CPED1: variants seen among roughly 807,000 people sequenced by gnomAD.
CPED1 encodes the protein cadherin like and PC-esterase domain containing 1.
In CPED1, 114 loss-of-function variants were observed where a neutral mutation model predicts 128.2. The observed-to-expected ratio is 0.89, with a 90% CI of 0.76 to 1.04. The LOEUF is 1.04. Among genes scored for constraint, CPED1 ranks in the 50% least tolerant of loss-of-function variants. The pLI is 0.00. For missense variants in CPED1, 1,211 were observed against 1,207.1 expected (o/e 1.00, Z -0.05); for synonymous variants, 462 against 426.7 (o/e 1.08, Z -1.02).
At chr7:121,197,952 T>G (rs1288520856) in intron 16 of CPED1, among the ~76,000 whole-genome samples, 5 of 152,178 alleles carry the variant, frequency 3.3e-5, no homozygotes, top group Non-Finnish European at 5.9e-5. Flanking sequence ...GTGTGGCTTT[T>G]GTTTAATGCC....
intron 8 of CPED1, among the ~76,000 whole-genome samples, chr7:121,124,708 G>A (rs1364908699): frequency 6.6e-6 from 1 of 152,182 alleles, no homozygotes; most frequent in African/African-American, 2.4e-5. Flanking sequence ...GAAGTAAAGT[G>A]CGCATTTTCA....
intron 15 of CPED1, among the ~76,000 whole-genome samples, chr7:121,141,542 C>T (rs961250493): frequency 3.3e-5 from 5 of 151,968 alleles, no homozygotes; most frequent in African/African-American, 9.7e-5. Flanking sequence ...TTGGAACCCT[C>T]GGGAGCCACG....
intron 5 of CPED1, among the ~76,000 whole-genome samples, chr7:121,068,520 T>G (rs1793911045): frequency 6.6e-6 from 1 of 152,034 alleles, no homozygotes; most frequent in South Asian, 2.1e-4. Context: ...TACTGTAGCC[T>G]TGTAGTATAG....
At chr7:121,031,036 C>G (rs1792716144) in intron 3 of CPED1, among the ~76,000 whole-genome samples, 2 of 152,178 alleles carry the variant, frequency 1.3e-5, no homozygotes, top group Admixed American at 6.5e-5. Context: ...GTCAGTTTAT[C>G]ATCAAACCTG....
intron 11 of CPED1, among the ~76,000 whole-genome samples, chr7:121,129,127 A>G (rs1795583148): frequency 6.6e-6 from 1 of 151,416 alleles, no homozygotes; most frequent in South Asian, 2.1e-4. Context: ...TCTGATACTT[A>G]TATAGACTGA....
intron 17 of CPED1, among the ~76,000 whole-genome samples, chr7:121,241,350 A>C (rs1798389383): frequency 2.5e-5 from 1 of 39,324 alleles, no homozygotes; most frequent in Admixed American, 1.8e-4. Flanking sequence ...TCCGTCTCAA[A>C]AAAAAAAAAA....
At chr7:121,015,511 T>C (rs1792278114) in intron 2 of CPED1, among the ~76,000 whole-genome samples, 154 bp from the exon 3 acceptor site, 1 of 152,266 alleles carries the variant, frequency 6.6e-6, no homozygotes, top group South Asian at 2.1e-4. Flanking sequence ...TGAGGTCATC[T>C]TTGTCCTTGT....
At chr7:121,027,690 C>T (rs902953492) in intron 3 of CPED1, among the ~76,000 whole-genome samples, 2 of 151,392 alleles carry the variant, frequency 1.3e-5, no homozygotes, top group African/African-American at 4.9e-5. Flanking sequence ...AAACCAGTGA[C>T]ATCTCTGTTG....
At chr7:121,052,337 C>T (rs554965390) in intron 4 of CPED1, among the ~76,000 whole-genome samples, 33 of 152,312 alleles carry the variant, frequency 2.2e-4, no homozygotes, top group Middle Eastern at 3.4e-3. Context: ...CCAAAACATA[C>T]GGTTGGCACC....
chr7:121,131,088 T>G (rs1795654096), intron 12 of CPED1, among the ~76,000 whole-genome samples: 1 of 152,134 alleles, frequency 6.6e-6, no homozygotes, highest in Non-Finnish European at 1.5e-5. Context: ...CCTGCCATAA[T>G]CATTTAAGTC....
chr7:121,077,783 T>C (rs1794170368), intron 5 of CPED1, among the ~76,000 whole-genome samples: 1 of 151,826 alleles, frequency 6.6e-6, no homozygotes, highest in Non-Finnish European at 1.5e-5. Flanking sequence ...AACATACTAA[T>C]TTTTTTAAAT....
At chr7:121,272,039 T>C (rs1792242526) in intron 22 of CPED1, among the ~76,000 whole-genome samples, 1 of 152,146 alleles carries the variant, frequency 6.6e-6, no homozygotes, top group African/African-American at 2.4e-5. Context: ...AAAATCTTGG[T>C]CAGGACCCAT....
Position 121,209,958 on chromosome 7 carries a change from G to T in CPED1, c.2056-26756G>T, listed in dbSNP as rs1049771806. ...ATTTAAAAATGGGCAAACAACAATA[G>T]AAAAAAAATCTGATAATCCAGTTTT... On this transcript the variant is annotated intron_variant, in intron 16 of 22. Coordinates refer to ENST00000310396, the MANE Select transcript of CPED1 (RefSeq NM_024913.5). Among the ~76,000 whole-genome samples, 3 of 151,332 alleles carry T rather than the reference G, an allele frequency of 2.0e-5. No homozygotes were observed. In the East Asian group the frequency reaches 5.8e-4, roughly 29 times the overall value.
chr7:121,020,287 G>A (rs888426929), intron 3 of CPED1, among the ~76,000 whole-genome samples: 3 of 151,940 alleles, frequency 2.0e-5, no homozygotes, highest in Non-Finnish European at 4.4e-5. Context: ...TCCTTGCCAA[G>A]GGCTGGCAAA....
chr7:121,081,958 G>A (rs993790028), intron 5 of CPED1, among the ~76,000 whole-genome samples: 4 of 152,112 alleles, frequency 2.6e-5, no homozygotes, highest in Admixed American at 6.6e-5. Context: ...TTTTCATGGC[G>A]CATTTTGCCC....
At chr7:121,114,786 TA>T (rs59664820) in intron 7 of CPED1, among the ~76,000 whole-genome samples, 5 of 152,190 alleles carry the variant, frequency 3.3e-5, no homozygotes, top group African/African-American at 1.2e-4. Flanking sequence ...TTTTATTTTT[TA>T]AAAAAAGTTT....
chr7:121,269,978 G>A (rs1337627025), intron 21 of CPED1, among the ~76,000 whole-genome samples: 1 of 152,042 alleles, frequency 6.6e-6, no homozygotes, highest in Non-Finnish European at 1.5e-5. Context: ...GTCACATGAC[G>A]AGAGTGACAT....
intron 4 of CPED1, among the ~76,000 whole-genome samples, chr7:121,059,795 G>T: frequency 6.6e-6 from 1 of 152,200 alleles, no homozygotes. Flanking sequence ...TTAGTGAGAG[G>T]TGACAGCATG....
Position 121,124,330 on chromosome 7 carries a change from G to A in CPED1, c.919-1G>A. On this transcript the variant is annotated splice_acceptor_variant, in intron 7 of 22. Transcript: ENST00000310396. LOFTEE classifies it high-confidence loss of function. ...ACGTGAATCCTTTACTTTGTTCACAGCTGCAAACATTTTTTGAGACATTCC... is the reference window on the plus strand; with the variant it reads ...ACGTGAATCCTTTACTTTGTTCACAACTGCAAACATTTTTTGAGACATTCC... 1 of 1,604,682 alleles carries A rather than the reference G, an allele frequency of 6.2e-7. No homozygotes were observed. The highest frequency in any genetic ancestry group is 8.5e-7 in the Non-Finnish European group (1 of 1,176,240).
Sources: allele counts gnomAD v4.1 joint callset (sites outside exome capture counted in the v4.1 genomes callset), GRCh38; gene constraint gnomAD v4.1.1; transcripts MANE v1.5; gene names NCBI Gene and HGNC (gene_info 2026-07-23, HGNC 2026-07-21).